P2RX1: variants seen among roughly 807,000 people sequenced by gnomAD.
P2RX1 encodes P2X purinoceptor 1.
Under a neutral mutation model 50.3 loss-of-function variants are expected in P2RX1, and 42 were observed. That is an observed-to-expected ratio of 0.83 (90% CI 0.65 to 1.08). The LOEUF is 1.08. Ranked by LOEUF, P2RX1 falls within the 50% of genes least tolerant of loss-of-function variation. The pLI, the probability that P2RX1 is intolerant of heterozygous loss-of-function variation, is 0.00. For synonymous variants in P2RX1, 199 were observed against 202.6 expected (o/e 0.98, Z 0.15); for missense variants, 449 against 529.0 (o/e 0.85, Z 1.48).
chr17:3,905,484 T>G, intron 1 of P2RX1, 117 bp from the exon 2 acceptor site: 13 of 1,209,424 alleles, frequency 1.1e-5, no homozygotes, highest in Non-Finnish European at 1.5e-5. Context: ...CTAAAGCTCC[T>G]GTCTTGGGCT....
intron 4 of P2RX1, 36 bp downstream of exon 4, chr17:3,904,294 G>A (rs778254312): frequency 6.3e-7 from 1 of 1,590,462 alleles, no homozygotes; most frequent in South Asian, 1.1e-5. Flanking sequence ...ACCGCAGCCG[G>A]GGGACTGTGG....
intron 7 of P2RX1, among the ~76,000 whole-genome samples, chr17:3,901,977 G>A (rs961537531): frequency 2.0e-5 from 3 of 152,118 alleles, no homozygotes; most frequent in Non-Finnish European, 4.4e-5. Flanking sequence ...CATACTGCTC[G>A]TTTGGGGCAG....
At chr17:3,900,114 A>C (rs1408790007) in intron 7 of P2RX1, among the ~76,000 whole-genome samples, 1 of 147,892 alleles carries the variant, frequency 6.8e-6, no homozygotes, top group Admixed American at 6.8e-5. Flanking sequence ...ACAAACAAAC[A>C]AAAAAAGCCC....
rs960114975 is a variant in P2RX1 at position 3,915,951 on chromosome 17, C to T, written c.137+138G>A. The T allele has an allele frequency of 5.7e-6, 6 of 1,045,174 alleles. No homozygotes were observed. The African/African-American group carries it at 7.9e-5, about 14-fold the overall frequency. 64.7% of individuals were successfully genotyped at this position (1,045,174 alleles called of 1,614,324 possible). A position where few individuals can be genotyped will look rare whatever the true frequency, so the allele number is the denominator to read the frequency against. On this transcript the variant is annotated intron_variant, in intron 1 of 11. Transcript: ENST00000225538. ...GAGTTGGCAGGATTTTCTATTCTCG[C>T]ACAGTGGCTTGCCAGGAAGGCCTTC...
intron 7 of P2RX1, among the ~76,000 whole-genome samples, chr17:3,900,113 C>CA (rs1396427184): frequency 6.8e-6 from 1 of 148,040 alleles, no homozygotes; most frequent in Non-Finnish European, 1.5e-5. Flanking sequence ...AACAAACAAA[C>CA]AAAAAAAGCC....
intron 1 of P2RX1, among the ~76,000 whole-genome samples, chr17:3,911,009 G>C (rs970916892): frequency 6.6e-6 from 1 of 152,066 alleles, no homozygotes; most frequent in Non-Finnish European, 1.5e-5. Flanking sequence ...TTGAGACAGG[G>C]TGTCACTCTG....
rs116343255 is a variant in P2RX1, at chr17:3,908,729, C to T, written c.138-3362G>A. ...CTCCCCTTCCAGAAATAACCCTCACCATGCTTTCTACCTCGTCATCAGCAA... is the reference window on the plus strand; with the variant it reads ...CTCCCCTTCCAGAAATAACCCTCACTATGCTTTCTACCTCGTCATCAGCAA... On this transcript the variant is annotated intron_variant, in intron 1 of 11. Transcript: ENST00000225538. 9.6e-3 allele frequency among the ~76,000 whole-genome samples: 1,466 copies of T among 152,302 alleles called. 29 individuals carry two copies. Among genetic ancestry groups the T allele is most frequent in the African/African-American group, 0.032 (1,342 of 41,546 alleles).
intron 1 of P2RX1, chr17:3,915,755 G>A: frequency 2.0e-6 from 1 of 499,136 alleles, no homozygotes; most frequent in Non-Finnish European, 3.9e-6. Context: ...GGCGGTCAGA[G>A]GTCGAGGACT....
chr17:3,903,717 C>T lies in P2RX1; in HGVS notation c.525-86G>A, dbSNP rs1349451962. On this transcript the variant is annotated intron_variant, in intron 5 of 11. Transcript: ENST00000225538. This position sits in a 1 kb window ranked among gnomAD's most constrained non-coding sequence, Gnocchi z 4.6. ...AGAGCTTGGCACAGCAGGGGGTGGG[C>T]CGAGCCTCCGGGACCCGCCTGCAGC... 6.9e-7 allele frequency: 1 copy of T among 1,455,824 alleles called. No individual in the cohort carries two copies. The highest frequency in any genetic ancestry group is 9.6e-7 in the Non-Finnish European group (1 of 1,043,278). 90.2% of individuals were successfully genotyped at this position (1,455,824 alleles called of 1,614,324 possible). A position where few individuals can be genotyped will look rare whatever the true frequency, so the allele number is the denominator to read the frequency against.
At chr17:3,898,587 G>C (rs778330197) in intron 9 of P2RX1, 38 bp from the exon 10 acceptor site, 1 of 1,532,858 alleles carries the variant, frequency 6.5e-7, no homozygotes, top group Non-Finnish European at 9.0e-7. Flanking sequence ...GCTAACCGTC[G>C]GAAGGGGCCC....
intron 1 of P2RX1, chr17:3,915,872 A>T: frequency 1.5e-6 from 1 of 689,540 alleles, no homozygotes; most frequent in Non-Finnish European, 2.6e-6. Flanking sequence ...CCTCCTGTTC[A>T]CCGAAGGCCC....
intron 1 of P2RX1, chr17:3,915,717 T>C (rs2052392441): frequency 6.3e-6 from 3 of 477,220 alleles, no homozygotes; most frequent in Non-Finnish European, 8.3e-6. Context: ...GTATGGCCTC[T>C]GTGTGTCAGT....
chr17:3,906,981 C>A (rs1172951505), intron 1 of P2RX1, among the ~76,000 whole-genome samples: 2 of 152,190 alleles, frequency 1.3e-5, no homozygotes, highest in African/African-American at 4.8e-5. Context: ...TGGTAGTCAT[C>A]TTTGCCACCT....
intron 7 of P2RX1, among the ~76,000 whole-genome samples, chr17:3,902,275 G>A (rs976757131): frequency 1.3e-5 from 2 of 151,370 alleles, no homozygotes; most frequent in Non-Finnish European, 2.9e-5. Flanking sequence ...ACAGGTGCCC[G>A]CCACCACACC....
At chr17:3,904,133 G>T (rs1486039172) in intron 4 of P2RX1, 109 bp from the exon 5 acceptor site, 2 of 1,067,270 alleles carry the variant, frequency 1.9e-6, no homozygotes, top group South Asian at 1.3e-5. Context: ...AGGAGCCAAG[G>T]ACAGAAACGT....
At chr17:3,900,939 G>A (rs2056127041) in intron 7 of P2RX1, among the ~76,000 whole-genome samples, 1 of 152,202 alleles carries the variant, frequency 6.6e-6, no homozygotes, top group Admixed American at 6.5e-5. Flanking sequence ...GGCGAGTAAT[G>A]GGACAGGTGG....
At chr17:3,912,978 C>T (rs527773659) in intron 1 of P2RX1, among the ~76,000 whole-genome samples, 2 of 152,174 alleles carry the variant, frequency 1.3e-5, no homozygotes, top group South Asian at 4.1e-4. Flanking sequence ...AGCAGGCCAG[C>T]CCAGCCCACA....
chr17:3,915,880 C>T (rs746174025), intron 1 of P2RX1: 3 of 702,042 alleles, frequency 4.3e-6, no homozygotes, highest in Non-Finnish European at 7.7e-6. Context: ...TCACCGAAGG[C>T]CCCCGGGCAG....
chr17:3,913,638 ACC>A, intron 1 of P2RX1, among the ~76,000 whole-genome samples: 1 of 151,088 alleles, frequency 6.6e-6, no homozygotes, highest in Non-Finnish European at 1.5e-5. Context: ...GAGTCTCGGG[ACC>A]TCCCACCCTT....
Sources: gnomAD v4.1 joint callset for allele counts (sites outside exome capture counted in the v4.1 genomes callset) on GRCh38, gnomAD v4.1.1 for gene constraint, Gnocchi (gnomAD v3.1) non-coding constraint, MANE v1.5 for transcripts, NCBI Gene and HGNC (gene_info 2026-07-23, HGNC 2026-07-21) for gene names.